The following CXCL13 variants were observed in gnomAD, a reference collection of about 807,000 sequenced individuals.
The protein encoded by CXCL13 is C-X-C motif chemokine ligand 13, also known as C-X-C motif chemokine 13.
A neutral mutation model predicts 12.2 loss-of-function variants in CXCL13; 7 were observed. That is an observed-to-expected ratio of 0.57 (90% CI 0.33 to 1.07). The LOEUF (loss-of-function observed/expected upper bound fraction) is 1.07, where lower values mean the gene tolerates loss of function less well. Among genes scored for constraint, CXCL13 ranks in the 50% least tolerant of loss-of-function variants. The probability of loss-of-function intolerance (pLI) is 0.04; values close to 1 mark genes in which losing one functional copy is unlikely to be tolerated. For missense variants in CXCL13, 113 were observed against 127.4 expected, an observed-to-expected ratio of 0.89 and a Z score of 0.55; for synonymous variants, 47 against 42.4, an observed-to-expected ratio of 1.11 and a Z score of -0.42.
chr4:77,591,333 A>G (rs1332926925), intron 1 of CXCL13, among the ~76,000 whole-genome samples: 1 of 151,928 alleles, frequency 6.6e-6, no homozygotes, highest in Non-Finnish European at 1.5e-5. Flanking sequence ...GGTGGATCAC[A>G]AGGTTAGGAG....
At chr4:77,586,592 C>A (rs1345005211) in intron 1 of CXCL13, among the ~76,000 whole-genome samples, 1 of 152,126 alleles carries the variant, frequency 6.6e-6, no homozygotes, top group Non-Finnish European at 1.5e-5. Context: ...TGGGTATTAC[C>A]TCCATAACAT....
chr4:77,554,631 A>G (rs186603388), intron 1 of CXCL13, among the ~76,000 whole-genome samples: 20 of 152,254 alleles, frequency 1.3e-4, no homozygotes, highest in Admixed American at 1.2e-3. Flanking sequence ...TGCTCCATGG[A>G]ACAACAATAA....
chr4:77,546,454 C>A (rs919037001), intron 1 of CXCL13, among the ~76,000 whole-genome samples: 13 of 152,174 alleles, frequency 8.5e-5, no homozygotes, highest in African/African-American at 3.1e-4. Context: ...AGGGATTCAA[C>A]TTCTTCCTGG....
At position 77,539,423 on chromosome 4, in the gene CXCL13, G is replaced by C. The variant is rs180699327; in HGVS notation, c.-43+27635G>C. On this transcript the variant is annotated intron_variant, in intron 1 of 4. Coordinates refer to the CXCL13 transcript ENST00000286758. ...ATCACAAGCATGAGCCACTGCACCT[G>C]GCCCCAGTTTGACCTTTTGACTTGA... Among the ~76,000 whole-genome samples, 125 of 152,272 alleles carry C rather than the reference G, an allele frequency of 8.2e-4. 1 individual carries two copies. The highest frequency in any genetic ancestry group is 2.7e-3 in the African/African-American group (112 of 41,556).
At chr4:77,550,554 T>G (rs2109806653) in intron 1 of CXCL13, among the ~76,000 whole-genome samples, 1 of 152,338 alleles carries the variant, frequency 6.6e-6, no homozygotes, top group South Asian at 2.1e-4. Flanking sequence ...GTGGTTGATT[T>G]AAGAATATGT....
intron 1 of CXCL13, among the ~76,000 whole-genome samples, chr4:77,514,021 G>T (rs1724342558): frequency 6.6e-6 from 1 of 151,782 alleles, no homozygotes; most frequent in African/African-American, 2.4e-5. Flanking sequence ...TGTTCTCATT[G>T]TTCAATTCCC....
chr4:77,552,687 A>C (rs1204789778), intron 1 of CXCL13, among the ~76,000 whole-genome samples: 1 of 152,030 alleles, frequency 6.6e-6, no homozygotes, highest in Non-Finnish European at 1.5e-5. Flanking sequence ...GCCAGCCACC[A>C]AGCCCTCAGA....
At chr4:77,602,431 C>T (rs143468502), upstream of CXCL13, among the ~76,000 whole-genome samples, 1 of 152,192 alleles carries the variant, frequency 6.6e-6, no homozygotes, top group Non-Finnish European at 1.5e-5. Context: ...CATGCCACAG[C>T]AAACTATGCA....
chr4:77,574,487 G>T (rs1726160138), intron 1 of CXCL13, among the ~76,000 whole-genome samples: 1 of 151,906 alleles, frequency 6.6e-6, no homozygotes, highest in Non-Finnish European at 1.5e-5. Context: ...TAGCCTTGGT[G>T]TGTAATAGCT....
At chr4:77,531,306 A>T (rs1415435451) in intron 1 of CXCL13, among the ~76,000 whole-genome samples, 1 of 107,346 alleles carries the variant, frequency 9.3e-6, no homozygotes, top group Non-Finnish European at 1.7e-5. Flanking sequence ...CCTGGTGTGT[A>T]GTGTTCCCCT....
At chr4:77,543,301 C>T (rs1387356658) in intron 1 of CXCL13, among the ~76,000 whole-genome samples, 1 of 151,734 alleles carries the variant, frequency 6.6e-6, no homozygotes, top group Non-Finnish European at 1.5e-5. Context: ...TTGATCCTTT[C>T]AAAAAAACTG....
chr4:77,561,937 C>T (rs957806098), intron 1 of CXCL13, among the ~76,000 whole-genome samples: 1 of 152,148 alleles, frequency 6.6e-6, no homozygotes, highest in African/African-American at 2.4e-5. Context: ...TGTGGGCCAG[C>T]ACAAGTTCTG....
intron 1 of CXCL13, among the ~76,000 whole-genome samples, chr4:77,575,603 A>G (rs1482635513): frequency 6.6e-6 from 1 of 151,862 alleles, no homozygotes; most frequent in East Asian, 1.9e-4. Context: ...TGCTTCATCC[A>G]TGTCCCTGCA....
At chr4:77,596,397 T>C (rs902501811) in intron 1 of CXCL13, among the ~76,000 whole-genome samples, 2 of 152,224 alleles carry the variant, frequency 1.3e-5, no homozygotes, top group African/African-American at 4.8e-5. Context: ...ACAGTCATTT[T>C]GGAAAATAGT....
chr4:77,528,224 T>TA (rs1724815415), intron 1 of CXCL13, among the ~76,000 whole-genome samples: 2 of 152,248 alleles, frequency 1.3e-5, no homozygotes, highest in African/African-American at 4.8e-5. Context: ...TTGTGAATAG[T>TA]GCCGCAATAA....
chr4:77,532,573 C>A (rs544357340), intron 1 of CXCL13, among the ~76,000 whole-genome samples: 1 of 152,212 alleles, frequency 6.6e-6, no homozygotes, highest in African/African-American at 2.4e-5. Context: ...TCCGTATTTC[C>A]TGAATTTGAA....
intron 1 of CXCL13, among the ~76,000 whole-genome samples, chr4:77,599,827 G>T (rs1726851586): frequency 1.3e-5 from 2 of 152,188 alleles, no homozygotes; most frequent in African/African-American, 4.8e-5. Flanking sequence ...TTGGGGATGG[G>T]AAAAGAGCAG....
chr4:77,588,362 C>T (rs558874831), intron 1 of CXCL13, among the ~76,000 whole-genome samples: 2 of 152,182 alleles, frequency 1.3e-5, no homozygotes, highest in African/African-American at 4.8e-5. Context: ...TTGGGGTAGG[C>T]GGGGAAGTTG....
intron 1 of CXCL13, among the ~76,000 whole-genome samples, chr4:77,542,778 G>A (rs991151816): frequency 3.3e-5 from 5 of 152,252 alleles, no homozygotes; most frequent in Admixed American, 1.3e-4. Flanking sequence ...GTATTTACTT[G>A]AGGATTTTTG....
Sources: gnomAD v4.1 joint callset for allele counts (sites outside exome capture counted in the v4.1 genomes callset) on GRCh38, gnomAD v4.1.1 for gene constraint, MANE v1.5 for transcripts, NCBI Gene and HGNC (gene_info 2026-07-23, HGNC 2026-07-21) for gene names.